AP2S1: variants seen among roughly 807,000 people sequenced by gnomAD.
AP2S1 encodes the protein AP-2 complex subunit sigma.
AP2S1 carries 6 observed loss-of-function variants against 21.0 expected under a neutral mutation model. The ratio of observed to expected loss-of-function variants is 0.29; its 90% CI spans 0.16 to 0.56. The LOEUF is 0.56. AP2S1 is among the 20% of genes least tolerant of loss of function. The pLI, the probability that AP2S1 is intolerant of heterozygous loss-of-function variation, is 0.92. For synonymous variants in AP2S1, 63 were observed against 74.6 expected (o/e 0.84, Z 0.80); for missense variants, 60 against 186.2 (o/e 0.32, Z 3.95).
At chr19:46,840,950 T>G (rs539415659) in intron 2 of AP2S1, among the ~76,000 whole-genome samples, 4 of 150,778 alleles carry the variant, frequency 2.7e-5, no homozygotes, top group South Asian at 2.1e-4. Flanking sequence ...GTTTTCAGGG[T>G]TTTTTTTGTT....
chr19:46,844,333 T>G (rs1473732812), intron 2 of AP2S1, among the ~76,000 whole-genome samples: 1 of 152,200 alleles, frequency 6.6e-6, no homozygotes, highest in Non-Finnish European at 1.5e-5. Context: ...GCTGCATTCC[T>G]GCTATCCCTG....
chr19:46,845,831 A>C (rs1000758958), intron 2 of AP2S1, 162 bp downstream of exon 2: 4 of 843,476 alleles, frequency 4.7e-6, no homozygotes, highest in African/African-American at 1.7e-5. Flanking sequence ...GAAAAGTACA[A>C]GTAAAGGAAG....
intron 2 of AP2S1, among the ~76,000 whole-genome samples, chr19:46,843,605 C>T (rs781351707): frequency 2.0e-5 from 3 of 152,114 alleles, no homozygotes; most frequent in Non-Finnish European, 4.4e-5. Context: ...TGCCAATGGT[C>T]CCAGCTACTC....
intron 1 of AP2S1, among the ~76,000 whole-genome samples, chr19:46,849,436 G>T (rs1463482941): frequency 6.6e-6 from 1 of 151,954 alleles, no homozygotes; most frequent in Non-Finnish European, 1.5e-5. Context: ...CCACTTCCTA[G>T]CAGGGCAGGG....
chr19:46,850,065 CCCA>C (rs1157652638), intron 1 of AP2S1: 76 of 1,179,656 alleles, frequency 6.4e-5, no homozygotes, highest in Non-Finnish European at 8.0e-5. Context: ...TACTCCCCAC[CCCA>C]CAAGATCTCT....
chr19:46,840,202 C>A (rs943134635), intron 2 of AP2S1, among the ~76,000 whole-genome samples: 1 of 151,846 alleles, frequency 6.6e-6, no homozygotes, highest in African/African-American at 2.4e-5. Context: ...CAGACACACA[C>A]CGTGAACAAA....
chr19:46,844,135 C>T (rs750092573), intron 2 of AP2S1, among the ~76,000 whole-genome samples: 1 of 151,826 alleles, frequency 6.6e-6, no homozygotes, highest in Non-Finnish European at 1.5e-5. Context: ...GGTCTCCTGA[C>T]CTTGTGATCC....
intron 2 of AP2S1, among the ~76,000 whole-genome samples, chr19:46,843,264 G>A (rs2055560517): frequency 6.6e-6 from 1 of 152,126 alleles, no homozygotes; most frequent in African/African-American, 2.4e-5. Context: ...CCGGTCACCA[G>A]CATCTCCCAC....
Position 46,846,056 on chromosome 19 carries a change from C to T in AP2S1, c.90G>A (p.Lys30=), listed in dbSNP as rs775481928. Residue 30 remains lysine, a synonymous_variant, in exon 2 of 5, where the codon AAG becomes AAA. Coordinates refer to ENST00000263270, the MANE Select transcript of AP2S1 (RefSeq NM_004069.6). ...CCACGGCATGCACCTCCTCGATCAG[C>T]TTCTGTTTCTCATCATCATCAAACT... ...YMQFDDDEKQ[K]LIEEVHAVVT... is the part of the protein sequence containing the mutation. The T allele has an allele frequency of 6.2e-7, 1 of 1,614,126 alleles. No individual in the cohort carries two copies. The highest frequency in any genetic ancestry group is 8.5e-7 in the Non-Finnish European group (1 of 1,180,032).
intron 2 of AP2S1, among the ~76,000 whole-genome samples, chr19:46,841,910 G>T (rs911729076): frequency 6.6e-6 from 1 of 152,158 alleles, no homozygotes; most frequent in Non-Finnish European, 1.5e-5. Context: ...ATTGGACGAC[G>T]GCCAGGTGCC....
At chr19:46,847,292 G>A (rs2055653373) in intron 1 of AP2S1, among the ~76,000 whole-genome samples, 2 of 150,252 alleles carry the variant, frequency 1.3e-5, no homozygotes, top group Admixed American at 6.6e-5. Flanking sequence ...AGAGTGCAGT[G>A]GCGCGATCCC....
At chr19:46,848,885 G>C (rs1275588601) in intron 1 of AP2S1, among the ~76,000 whole-genome samples, 2 of 151,618 alleles carry the variant, frequency 1.3e-5, no homozygotes, top group African/African-American at 2.4e-5. Context: ...GCTAATTTTT[G>C]TATTTTTAGT....
At chr19:46,846,306 C>G (rs2055632604) in intron 1 of AP2S1, among the ~76,000 whole-genome samples, 164 bp from the exon 2 acceptor site, 2 of 152,024 alleles carry the variant, frequency 1.3e-5, no homozygotes, top group Admixed American at 1.3e-4. Flanking sequence ...CAAGCCAGGC[C>G]GGCCTGGCCA....
intron 1 of AP2S1, among the ~76,000 whole-genome samples, chr19:46,848,000 G>A (rs558664192): frequency 7.2e-5 from 11 of 152,184 alleles, no homozygotes; most frequent in East Asian, 1.9e-4. Flanking sequence ...TTGCTAAACC[G>A]TTTTCCAAAG....
At chr19:46,849,359 C>T (rs1259100388) in intron 1 of AP2S1, among the ~76,000 whole-genome samples, 1 of 151,522 alleles carries the variant, frequency 6.6e-6, no homozygotes, top group Non-Finnish European at 1.5e-5. Flanking sequence ...CTCCCCCAAC[C>T]AACCAAACTG....
At chr19:46,840,971 T>C (rs1373279140) in intron 2 of AP2S1, among the ~76,000 whole-genome samples, 3 of 151,910 alleles carry the variant, frequency 2.0e-5, no homozygotes, top group Non-Finnish European at 4.4e-5. Flanking sequence ...TTTTGGTTTT[T>C]TTGAGACAGT....
intron 2 of AP2S1, among the ~76,000 whole-genome samples, chr19:46,842,644 C>G (rs1481675203): frequency 6.6e-6 from 1 of 152,134 alleles, no homozygotes; most frequent in African/African-American, 2.4e-5. Flanking sequence ...TCCCGCGCCC[C>G]AGCCCTCAGC....
rs751472266 is a variant in AP2S1, at chr19:46,850,796, C to G, written c.-30G>C. On this transcript the variant is annotated 5_prime_UTR_variant, in exon 1 of 5. Coordinates refer to ENST00000263270, the MANE Select transcript of AP2S1 (RefSeq NM_004069.6). ...ACCCCCGTCCAGACCCCAGCGGCCC[C>G]GGTCCCGCGGCGACTGGGCAGCTCC... The G allele has an allele frequency of 2.8e-5, 43 of 1,552,766 alleles. No individual in the cohort carries two copies. The highest frequency in any genetic ancestry group is 1.1e-4 in the South Asian group (9 of 85,644).
At chr19:46,850,259 C>G (rs1000088364) in intron 1 of AP2S1, 6 of 1,234,368 alleles carry the variant, frequency 4.9e-6, no homozygotes, top group Admixed American at 8.4e-5. Context: ...CAGGCAGTCT[C>G]CTGCCCCTGT....
Sources: gnomAD v4.1 joint callset for allele counts (sites outside exome capture counted in the v4.1 genomes callset) on GRCh38, gnomAD v4.1.1 for gene constraint, MANE v1.5 for transcripts, NCBI Gene and HGNC (gene_info 2026-07-23, HGNC 2026-07-21) for gene names.